The following CLASP2 variants were observed in gnomAD, a reference collection of about 807,000 sequenced individuals.
CLASP2 encodes cytoplasmic linker associated protein 2, also known as CLIP-associating protein 2.
CLASP2 carries 47 observed loss-of-function variants against 194.4 expected under a neutral mutation model. The ratio of observed to expected loss-of-function variants is 0.24; its 90% CI spans 0.19 to 0.31. The LOEUF (loss-of-function observed/expected upper bound fraction) is 0.31. CLASP2 is among the 10% of genes least tolerant of loss of function. CLASP2 has a pLI of 1.00. For synonymous variants in CLASP2, 619 were observed against 633.5 expected (o/e 0.98, Z 0.34); for missense variants, 1,445 against 1,823.6 (o/e 0.79, Z 3.78).
intron 23 of CLASP2, among the ~76,000 whole-genome samples, chr3:33,578,690 T>C (rs1272362920): frequency 6.6e-6 from 1 of 152,204 alleles, no homozygotes; most frequent in Non-Finnish European, 1.5e-5. Context: ...ATTTCTAAAA[T>C]GATGAGGAGG....
chr3:33,599,693 G>A lies in CLASP2; in HGVS notation c.1925-2959C>T, dbSNP rs2071482456. On this transcript the variant is annotated intron_variant, in intron 18 of 38. Coordinates refer to ENST00000682230, the MANE Select transcript of CLASP2 (RefSeq NM_001365631.1). ...TCATACATGTATAGCCATAAGTGAGGCTCAAAGTAGAAGAAAACAGAGGTT... is the reference window on the plus strand; with the variant it reads ...TCATACATGTATAGCCATAAGTGAGACTCAAAGTAGAAGAAAACAGAGGTT... Among the ~76,000 whole-genome samples, 4 of 152,114 alleles carry A rather than the reference G, an allele frequency of 2.6e-5. No individual in the cohort carries two copies. The South Asian group carries it at 8.3e-4, about 32-fold the overall frequency.
intron 23 of CLASP2, among the ~76,000 whole-genome samples, chr3:33,581,286 C>T (rs879515280): frequency 2.6e-5 from 4 of 152,096 alleles, no homozygotes; most frequent in Non-Finnish European, 4.4e-5. Flanking sequence ...CAAGTTTTAC[C>T]GCAGTGACAA....
In CLASP2 at chr3:33,538,970, C is replaced by T. The variant is rs143222381; in HGVS notation, c.3405-28G>A. 2.5e-5 allele frequency: 38 copies of T among 1,516,970 alleles called. No individual in the cohort carries two copies. In the Middle Eastern group the frequency reaches 5.5e-4, roughly 22 times the overall value. The allele number at this position is 1,516,970 out of a possible 1,614,324, so 94.0% of individuals were successfully genotyped here. On this transcript the variant is annotated intron_variant, in intron 32 of 38. Transcript: ENST00000682230. ...ATGAAAAAGACGACACTAATTTTTACTTAGGTGTAGTTTTAAAATACAAAC... is the reference window on the plus strand; with the variant it reads ...ATGAAAAAGACGACACTAATTTTTATTTAGGTGTAGTTTTAAAATACAAAC...
chr3:33,647,135 G>A (rs528569680), intron 7 of CLASP2, among the ~76,000 whole-genome samples: 96 of 152,238 alleles, frequency 6.3e-4, no homozygotes, highest in African/African-American at 2.3e-3. Context: ...TAAAAGGTAA[G>A]CAAACAAAGT....
At chr3:33,512,399 G>A (rs1270260596) in intron 36 of CLASP2, among the ~76,000 whole-genome samples, 2 of 24,492 alleles carry the variant, frequency 8.2e-5, no homozygotes, top group Non-Finnish European at 1.5e-4. Context: ...ACACTCTGGG[G>A]ACTGTGGTGG....
intron 26 of CLASP2, among the ~76,000 whole-genome samples, chr3:33,569,809 T>G (rs1319534375): frequency 6.6e-6 from 1 of 152,142 alleles, no homozygotes; most frequent in Non-Finnish European, 1.5e-5. Context: ...CATTTAAATC[T>G]TTAGCTGGAT....
At chr3:33,653,814 T>C (rs1285150162) in intron 7 of CLASP2, among the ~76,000 whole-genome samples, 2 of 152,132 alleles carry the variant, frequency 1.3e-5, no homozygotes, top group African/African-American at 4.8e-5. Context: ...TATAATACTA[T>C]TTCTGGGTAT....
chr3:33,689,754 T>C, intron 3 of CLASP2, 75 bp downstream of exon 3: 2 of 957,218 alleles, frequency 2.1e-6, no homozygotes, highest in Non-Finnish European at 3.0e-6. Flanking sequence ...AATTTCAGTG[T>C]TCATGCTTGC....
In CLASP2 at chr3:33,543,528, C is replaced by T; in HGVS notation, c.3309G>A (p.Gly1103=). 1 of 1,606,554 alleles carries T rather than the reference C, an allele frequency of 6.2e-7. No homozygotes were observed. Among genetic ancestry groups the T allele is most frequent in the Non-Finnish European group, 8.5e-7 (1 of 1,173,298 alleles). Residue 1103 remains glycine (G), a synonymous_variant, in exon 32 of 39, where the codon GGG becomes GGA. Transcript: ENST00000682230. ...GTGGTGTTGGTCTTGTCAAAGGACT[C>T]CCCATGGAACTCTGATGAAGGGAGT... ...NTGNGTQSSM[G]SPLTRPTPRS...
chr3:33,644,500 T>C, intron 8 of CLASP2: 2 of 427,836 alleles, frequency 4.7e-6, no homozygotes, highest in Non-Finnish European at 8.5e-6. Flanking sequence ...CTTCCATAAA[T>C]CTTTTTCAAA....
At chr3:33,602,260 C>T (rs778109348) in intron 18 of CLASP2, among the ~76,000 whole-genome samples, 8 of 151,962 alleles carry the variant, frequency 5.3e-5, no homozygotes, top group Non-Finnish European at 7.4e-5. Flanking sequence ...GTGATCTGCC[C>T]GCCTCAGTCC....
chr3:33,553,062 A>C (rs1358294832), intron 29 of CLASP2, among the ~76,000 whole-genome samples: 3 of 152,188 alleles, frequency 2.0e-5, no homozygotes, highest in Non-Finnish European at 1.5e-5. Context: ...ACTTGAGAAA[A>C]AATTGTCAAA....
chr3:33,672,554 G>A (rs2087537513), intron 6 of CLASP2, among the ~76,000 whole-genome samples: 1 of 152,210 alleles, frequency 6.6e-6, no homozygotes, highest in Non-Finnish European at 1.5e-5. Context: ...TCCTCCAAAG[G>A]AACGCAGTTC....
At position 33,584,852 on chromosome 3, in the gene CLASP2, C is replaced by A. The variant is rs777340686; in HGVS notation, c.2137G>T (p.Val713Phe). 6.2e-7 allele frequency: 1 copy of A among 1,613,848 alleles called. No homozygotes were observed. Among genetic ancestry groups the A allele is most frequent in the Non-Finnish European group, 8.5e-7 (1 of 1,179,866 alleles). Residue 713 changes from valine (V) to phenylalanine (F), a missense_variant, in exon 22 of 39, where the codon GTT (valine) becomes TTT (phenylalanine). Coordinates refer to ENST00000682230, the MANE Select transcript of CLASP2 (RefSeq NM_001365631.1). ...GCTGAATTGACCAGGACTCTTTGAA[C>A]ACCAGAGCTCACAGTGGACAGGGCT... ...TTALSTVSSG[V>F]QRVLVNSASA...
At chr3:33,647,557 C>T (rs114935761) in intron 7 of CLASP2, among the ~76,000 whole-genome samples, 106 of 152,310 alleles carry the variant, frequency 7.0e-4, no homozygotes, top group Admixed American at 1.1e-3. Context: ...CATACACATA[C>T]GGCCTTTCCA....
At position 33,622,313 on chromosome 3, in the gene CLASP2, AG is replaced by A. The variant is rs2077236776; in HGVS notation, c.1036-34del. The stretch of plus-strand genomic sequence containing the variant: ...AAAGAATTTTCATTATTGACAAAAA[AG>A]GTGGAAGTGCAAAAAAAAGAAGCTA... On this transcript the variant is annotated intron_variant, in intron 10 of 38. Coordinates refer to ENST00000682230, the MANE Select transcript of CLASP2 (RefSeq NM_001365631.1). 3.5e-6 allele frequency: 5 copies of A among 1,421,858 alleles called. No homozygotes were observed. In the Middle Eastern group the frequency reaches 5.7e-4, roughly 161 times the overall value. The allele number at this position is 1,421,858 out of a possible 1,614,324, so 88.1% of individuals were successfully genotyped here.
chr3:33,500,379 C>G (rs1015647997), intron 38 of CLASP2, among the ~76,000 whole-genome samples: 2 of 152,096 alleles, frequency 1.3e-5, no homozygotes, highest in Non-Finnish European at 2.9e-5. Context: ...CTACTGTCTT[C>G]ACATGTAACA....
At chr3:33,649,311 T>A (rs1216762029) in intron 7 of CLASP2, among the ~76,000 whole-genome samples, 3 of 152,202 alleles carry the variant, frequency 2.0e-5, no homozygotes, top group African/African-American at 7.2e-5. Context: ...TTATCATCTA[T>A]ATATTTTACT....
intron 1 of CLASP2, among the ~76,000 whole-genome samples, chr3:33,707,882 T>C (rs1242185095): frequency 6.6e-6 from 1 of 152,184 alleles, no homozygotes; most frequent in Non-Finnish European, 1.5e-5. Context: ...AATAAATATG[T>C]TGACTCTTGC....
Sources: gnomAD v4.1 joint callset for allele counts (sites outside exome capture counted in the v4.1 genomes callset) on GRCh38, gnomAD v4.1.1 for gene constraint, MANE v1.5 for transcripts, NCBI Gene and HGNC (gene_info 2026-07-23, HGNC 2026-07-21) for gene names.